CEP112: variants seen among roughly 807,000 people sequenced by gnomAD.
CEP112 encodes the protein centrosomal protein of 112 kDa.
In CEP112, 127 loss-of-function variants were observed where a neutral mutation model predicts 153.0. The observed-to-expected ratio is 0.83, with a 90% CI of 0.72 to 0.96. The LOEUF (loss-of-function observed/expected upper bound fraction) is 0.96, where lower values mean the gene tolerates loss of function less well. Among genes scored for constraint, CEP112 ranks in the 40% least tolerant of loss-of-function variants. The pLI, the probability that CEP112 is intolerant of heterozygous loss-of-function variation, is 0.00. For missense variants in CEP112, 1,089 were observed against 1,101.2 expected, an observed-to-expected ratio of 0.99 and a Z score of 0.16; for synonymous variants, 358 against 374.4, an observed-to-expected ratio of 0.96 and a Z score of 0.51.
chr17:66,123,789 C>G (rs1232474849), intron 6 of CEP112, among the ~76,000 whole-genome samples: 1 of 152,092 alleles, frequency 6.6e-6, no homozygotes, highest in Non-Finnish European at 1.5e-5. Context: ...TCTTTTACCC[C>G]TGGATTATTT....
At chr17:66,030,225 TCA>T (rs2145722002) in intron 12 of CEP112, among the ~76,000 whole-genome samples, 1 of 152,280 alleles carries the variant, frequency 6.6e-6, no homozygotes, top group South Asian at 2.1e-4. Context: ...AATAAGAACA[TCA>T]CAGTTATATA....
intron 19 of CEP112, among the ~76,000 whole-genome samples, chr17:65,907,241 T>C (rs2060117265): frequency 6.6e-6 from 1 of 152,200 alleles, no homozygotes; most frequent in Non-Finnish European, 1.5e-5. Flanking sequence ...ACAGAGACAT[T>C]TGAAGTTTCT....
At chr17:66,158,157 A>G (rs1056779054) in intron 4 of CEP112, among the ~76,000 whole-genome samples, 1 of 152,176 alleles carries the variant, frequency 6.6e-6, no homozygotes, top group Non-Finnish European at 1.5e-5. Context: ...TCCTCAGCAA[A>G]TGCAAAAGAA....
At chr17:65,970,825 A>G (rs1171198116) in intron 17 of CEP112, among the ~76,000 whole-genome samples, 3 of 152,260 alleles carry the variant, frequency 2.0e-5, no homozygotes, top group Admixed American at 6.5e-5. Flanking sequence ...TGTATATTGC[A>G]TGCATGCACA....
intron 4 of CEP112, among the ~76,000 whole-genome samples, chr17:66,142,036 A>G (rs1398484032): frequency 1.3e-5 from 2 of 152,188 alleles, no homozygotes; most frequent in African/African-American, 4.8e-5. Flanking sequence ...ATCCTGGACA[A>G]CACTTGATAT....
At chr17:65,859,304 G>A (rs1445820629) in intron 20 of CEP112, among the ~76,000 whole-genome samples, 7 of 151,800 alleles carry the variant, frequency 4.6e-5, no homozygotes, top group Admixed American at 3.9e-4. Context: ...GCTGGGCGGG[G>A]TGGCAGGTGC....
intron 6 of CEP112, among the ~76,000 whole-genome samples, chr17:66,118,762 T>A (rs894499505): frequency 2.6e-5 from 4 of 152,138 alleles, no homozygotes; most frequent in Non-Finnish European, 5.9e-5. Flanking sequence ...TTGAGGTAAA[T>A]GATATCTCAA....
chr17:65,770,226 G>GAAAT (rs1228003994), intron 21 of CEP112, among the ~76,000 whole-genome samples: 5 of 151,284 alleles, frequency 3.3e-5, no homozygotes, highest in Non-Finnish European at 7.4e-5. Flanking sequence ...GCAAAGAAAA[G>GAAAT]AAATAAATAT....
chr17:66,004,228 T>C (rs945165774), intron 17 of CEP112, among the ~76,000 whole-genome samples: 1 of 151,952 alleles, frequency 6.6e-6, no homozygotes, highest in African/African-American at 2.4e-5. Context: ...ACACCTGTAA[T>C]ACCAGCACTT....
intron 8 of CEP112, among the ~76,000 whole-genome samples, chr17:66,070,258 C>T (rs1205032633): frequency 1.3e-5 from 2 of 152,096 alleles, no homozygotes; most frequent in Non-Finnish European, 2.9e-5. Context: ...TACAGATTCA[C>T]TACTCTCCCC....
At position 66,063,086 on chromosome 17, in the gene CEP112, CA is replaced by C; in HGVS notation, c.956-6del. The C allele has an allele frequency of 1.3e-6, 2 of 1,491,670 alleles. No individual in the cohort carries two copies. The highest frequency in any genetic ancestry group is 2.1e-5 in the Admixed American group (1 of 46,518). 92.4% of individuals were successfully genotyped at this position (1,491,670 alleles called of 1,614,324 possible). On this transcript the variant is annotated splice_polypyrimidine_tract_variant and splice_region_variant and intron_variant, in intron 10 of 26. Coordinates refer to ENST00000535342, the MANE Select transcript of CEP112 (RefSeq NM_001199165.4). ...AGTCACGTATCAGTGTCTGAACTGT[CA>C]AAAATTTTGAAAACATAGTTAAACC...
intron 23 of CEP112, among the ~76,000 whole-genome samples, chr17:65,717,806 T>C (rs1340304913): frequency 2.0e-5 from 3 of 152,092 alleles, no homozygotes; most frequent in Non-Finnish European, 4.4e-5. Context: ...AAGGTGAAAA[T>C]GTTTAAAAGG....
Position 65,655,027 on chromosome 17 carries a change from G to A in CEP112, c.2698-13962C>T, listed in dbSNP as rs781266798. On this transcript the variant is annotated intron_variant, in intron 24 of 26. Coordinates refer to ENST00000535342, the MANE Select transcript of CEP112 (RefSeq NM_001199165.4). ...AGGCCCTTATCATAAATGCTTCCTC[G>A]GATAGTATCACTCTTGACACTGGAG... is the stretch of plus-strand genomic sequence containing the variant. 95 of 679,466 alleles carry A rather than the reference G, an allele frequency of 1.4e-4. 1 individual carries two copies. The highest frequency in any genetic ancestry group is 2.7e-4 in the Middle Eastern group (1 of 3,742). 42.1% of individuals were successfully genotyped at this position (679,466 alleles called of 1,614,324 possible).
At chr17:65,642,120 T>C (rs1052970836) in intron 24 of CEP112, among the ~76,000 whole-genome samples, 1 of 152,218 alleles carries the variant, frequency 6.6e-6, no homozygotes, top group African/African-American at 2.4e-5. Context: ...GGCGTGAATA[T>C]GCATGTGTAG....
chr17:65,719,156 G>A (rs1201621113), intron 23 of CEP112, among the ~76,000 whole-genome samples: 1 of 152,258 alleles, frequency 6.6e-6, no homozygotes, highest in Non-Finnish European at 1.5e-5. Context: ...TAGGCACGGG[G>A]CTCTGCTGTG....
chr17:65,868,275 G>A (rs552253494), intron 20 of CEP112, among the ~76,000 whole-genome samples: 1 of 152,004 alleles, frequency 6.6e-6, no homozygotes, highest in Non-Finnish European at 1.5e-5. Flanking sequence ...CGAAGAAGAC[G>A]GATCAATTGA....
intron 8 of CEP112, 114 bp downstream of exon 8, chr17:66,096,137 G>A: frequency 1.5e-6 from 1 of 675,320 alleles, no homozygotes; most frequent in East Asian, 2.7e-5. Flanking sequence ...TTTGTTTCAA[G>A]TGCAACCTCT....
At chr17:65,754,611 TA>T (rs1403502868) in intron 21 of CEP112, among the ~76,000 whole-genome samples, 1 of 151,482 alleles carries the variant, frequency 6.6e-6, no homozygotes, top group African/African-American at 2.4e-5. Context: ...TCGCAAAAAA[TA>T]AAATAAAATA....
At chr17:65,971,436 A>T (rs1336466288) in intron 17 of CEP112, among the ~76,000 whole-genome samples, 1 of 56,520 alleles carries the variant, frequency 1.8e-5, no homozygotes, top group Non-Finnish European at 3.8e-5. Context: ...TGCATGTTAC[A>T]TGGATGCCGC....
Sources: allele counts gnomAD v4.1 joint callset (sites outside exome capture counted in the v4.1 genomes callset), GRCh38; gene constraint gnomAD v4.1.1; transcripts MANE v1.5; gene names NCBI Gene and HGNC (gene_info 2026-07-23, HGNC 2026-07-21).